The following EEPD1 variants were observed in gnomAD, a reference collection of about 807,000 sequenced individuals.
The protein encoded by EEPD1 is endonuclease/exonuclease/phosphatase family domain containing 1.
In EEPD1, 17 loss-of-function variants were observed where a neutral mutation model predicts 46.3. That is an observed-to-expected ratio of 0.37 (90% confidence interval 0.25 to 0.55). The LOEUF is 0.55. EEPD1 is among the 20% of genes least tolerant of loss of function. The pLI is 0.83. For missense variants in EEPD1, 673 were observed against 745.6 expected (o/e 0.90, Z 1.13); for synonymous variants, 313 against 315.6 (o/e 0.99, Z 0.09).
intron 2 of EEPD1, among the ~76,000 whole-genome samples, chr7:36,198,501 G>A (rs2115697346): frequency 6.7e-6 from 1 of 149,652 alleles, no homozygotes; most frequent in South Asian, 2.1e-4. Flanking sequence ...TATTGACAGA[G>A]ATGTCATTAT....
At chr7:36,188,635 A>G (rs1381438637) in intron 2 of EEPD1, among the ~76,000 whole-genome samples, 1 of 152,228 alleles carries the variant, frequency 6.6e-6, no homozygotes, top group Non-Finnish European at 1.5e-5. Flanking sequence ...ATCAAATTCC[A>G]TAACAATAAA....
At chr7:36,280,500 A>G (rs950417447) in intron 3 of EEPD1, among the ~76,000 whole-genome samples, 1 of 152,212 alleles carries the variant, frequency 6.6e-6, no homozygotes, top group Non-Finnish European at 1.5e-5. Flanking sequence ...TCCTCATCCT[A>G]CTGTGTGCAA....
At chr7:36,211,821 A>G (rs1045305977) in intron 2 of EEPD1, among the ~76,000 whole-genome samples, 4 of 151,984 alleles carry the variant, frequency 2.6e-5, no homozygotes, top group African/African-American at 9.7e-5. Context: ...GCTACTCAGG[A>G]GGCTGAGGCA....
chr7:36,279,789 C>A (rs1787233198), intron 3 of EEPD1, among the ~76,000 whole-genome samples: 2 of 152,230 alleles, frequency 1.3e-5, no homozygotes, highest in African/African-American at 4.8e-5. Context: ...ATTTCTAGCA[C>A]GTTCTCAGGT....
intron 2 of EEPD1, among the ~76,000 whole-genome samples, chr7:36,165,733 G>A (rs919559441): frequency 5.3e-5 from 8 of 151,652 alleles, no homozygotes; most frequent in East Asian, 3.9e-4. Context: ...CACCATGCCC[G>A]GCCCTAATGA....
intron 6 of EEPD1, among the ~76,000 whole-genome samples, chr7:36,296,441 A>G (rs1050776147): frequency 2.3e-4 from 35 of 152,204 alleles, no homozygotes; most frequent in African/African-American, 7.7e-4. Flanking sequence ...TGTTGACCCA[A>G]GCACTTCTGT....
intron 2 of EEPD1, among the ~76,000 whole-genome samples, chr7:36,222,016 A>G (rs776836086): frequency 1.1e-4 from 17 of 152,218 alleles, no homozygotes; most frequent in Admixed American, 2.0e-4. Flanking sequence ...GACACATTAT[A>G]TAGTGGCATT....
Position 36,154,183 on chromosome 7 carries a change from GT to G in EEPD1, c.-139del. 1 of 1,044,160 alleles carries G rather than the reference GT, an allele frequency of 9.6e-7. No individual in the cohort carries two copies. The highest frequency in any genetic ancestry group is 1.3e-6 in the Non-Finnish European group (1 of 743,494). The allele number at this position is 1,044,160 out of a possible 1,614,324, so 64.7% of individuals were successfully genotyped here. On this transcript the variant is annotated 5_prime_UTR_variant, in exon 2 of 8. The change abolishes the stop of an existing upstream ORF in the 5' untranslated region. Coordinates refer to ENST00000242108, the MANE Select transcript of EEPD1 (RefSeq NM_030636.3). The surrounding 1 kb of genome is among the most constrained non-coding windows in gnomAD (Gnocchi z 4.2). ...ACACGCCAGGCATGGAAGATTCGGT[GT>G]TTGTCTATAGTAACCTCTTCAGTCC...
intron 2 of EEPD1, among the ~76,000 whole-genome samples, chr7:36,163,675 C>G (rs557117328): frequency 2.0e-5 from 3 of 152,026 alleles, no homozygotes; most frequent in Admixed American, 6.6e-5. Context: ...GTCAGGAGAT[C>G]GAGACCATCT....
chr7:36,215,247 A>G (rs1482046568), intron 2 of EEPD1, among the ~76,000 whole-genome samples: 1 of 152,198 alleles, frequency 6.6e-6, no homozygotes, highest in Non-Finnish European at 1.5e-5. Context: ...GCGCTGCACC[A>G]GGGCAGTAGG....
intron 2 of EEPD1, among the ~76,000 whole-genome samples, chr7:36,175,156 T>C (rs1785154683): frequency 6.6e-6 from 1 of 152,116 alleles, no homozygotes; most frequent in Non-Finnish European, 1.5e-5. Context: ...CACCTCCACA[T>C]AGGTTATAGT....
At chr7:36,165,903 T>G (rs1482500965) in intron 2 of EEPD1, among the ~76,000 whole-genome samples, 1 of 152,326 alleles carries the variant, frequency 6.6e-6, no homozygotes, top group South Asian at 2.1e-4. Flanking sequence ...AACAATGAAG[T>G]CCTAGTGAGC....
chr7:36,264,574 A>G (rs1036862829), intron 3 of EEPD1, among the ~76,000 whole-genome samples: 16 of 152,200 alleles, frequency 1.1e-4, no homozygotes, highest in Admixed American at 1.3e-4. Flanking sequence ...GGACACTGTC[A>G]TGGCATCCAT....
At position 36,173,119 on chromosome 7, in the gene EEPD1, A is replaced by C. The variant is rs185141716; in HGVS notation, c.878+17917A>C. Among the ~76,000 whole-genome samples, 216 of 152,114 alleles carry C rather than the reference A, an allele frequency of 1.4e-3. 5 individuals are homozygous for C. Among genetic ancestry groups the C allele is most frequent in the Non-Finnish European group, 1.9e-4 (13 of 67,994 alleles). ...TCTCTTCTTGAACTGTAATCTCCAC[A>C]TGTCAAGGGAGGGACCTGGTGGGAG... On this transcript the variant is annotated intron_variant, in intron 2 of 7. Coordinates refer to ENST00000242108, the MANE Select transcript of EEPD1 (RefSeq NM_030636.3).
At chr7:36,266,613 A>T (rs1418747806) in intron 3 of EEPD1, among the ~76,000 whole-genome samples, 1 of 152,216 alleles carries the variant, frequency 6.6e-6, no homozygotes, top group Admixed American at 6.5e-5. Context: ...ACCATCTTAA[A>T]GTAAACAATT....
chr7:36,214,597 C>T (rs745735712), intron 2 of EEPD1, among the ~76,000 whole-genome samples: 1 of 152,228 alleles, frequency 6.6e-6, no homozygotes, highest in African/African-American at 2.4e-5. Context: ...TGCAAATTCT[C>T]AGGCCCTACC....
intron 2 of EEPD1, among the ~76,000 whole-genome samples, chr7:36,168,635 G>GCAGT (rs1759963651): frequency 6.7e-6 from 1 of 148,942 alleles, no homozygotes; most frequent in Admixed American, 6.7e-5. Context: ...GCAGGCACCT[G>GCAGT]CAGTCCCAGC....
At chr7:36,182,785 A>G (rs774735472) in intron 2 of EEPD1, among the ~76,000 whole-genome samples, 17 of 152,372 alleles carry the variant, frequency 1.1e-4, no homozygotes, top group Non-Finnish European at 2.4e-4. Flanking sequence ...AGTGATGGAC[A>G]CGGGACCAAT....
rs3221650 is a variant in EEPD1, at chr7:36,249,034, C to CACACACAT, written c.930+9999_930+10000insCACACATA. Among the ~76,000 whole-genome samples, 32 of 151,544 alleles carry CACACACAT rather than the reference C, an allele frequency of 2.1e-4. 1 individual carries two copies. The highest frequency in any genetic ancestry group is 7.5e-4 in the African/African-American group (31 of 41,166). On this transcript the variant is annotated intron_variant, in intron 3 of 7. Coordinates refer to ENST00000242108, the MANE Select transcript of EEPD1 (RefSeq NM_030636.3). ...ACACACACACACACACACACACACA[C>CACACACAT]ATTTTCTCCTTATTCTTTGAAAATC...
Sources: allele counts gnomAD v4.1 joint callset (sites outside exome capture counted in the v4.1 genomes callset), GRCh38; gene constraint gnomAD v4.1.1; non-coding constraint Gnocchi (gnomAD v3.1); transcripts MANE v1.5; gene names NCBI Gene and HGNC (gene_info 2026-07-23, HGNC 2026-07-21).